Variants in BEGAIN observed in about 807,000 individuals in gnomAD.
The protein encoded by BEGAIN is brain-enriched guanylate kinase-associated protein.
In BEGAIN, 19 loss-of-function variants were observed where a neutral mutation model predicts 35.8. The ratio of observed to expected loss-of-function variants is 0.53; its 90% confidence interval spans 0.37 to 0.78. The LOEUF (loss-of-function observed/expected upper bound fraction) is 0.78, where lower values mean the gene tolerates loss of function less well. Ranked by LOEUF, BEGAIN falls within the 30% of genes least tolerant of loss-of-function variation. BEGAIN has a pLI of 0.00. For missense variants in BEGAIN, 795 were observed against 853.6 expected, an observed-to-expected ratio of 0.93 and a Z score of 0.85; for synonymous variants, 462 against 388.6, an observed-to-expected ratio of 1.19 and a Z score of -2.22.
At chr14:100,540,601 T>G in intron 5 of BEGAIN, 22 bp from the exon 6 acceptor site, 2 of 1,568,340 alleles carry the variant, frequency 1.3e-6, no homozygotes, top group Non-Finnish European at 8.7e-7. Context: ...GAGAAGGCGT[T>G]TGGCGCCATT....
rs188158633 is a variant in BEGAIN, at chr14:100,552,991, G to T, written c.72-6329C>A. 6.2e-4 allele frequency among the ~76,000 whole-genome samples: 95 copies of T among 152,306 alleles called. No individual in the cohort carries two copies. In the East Asian group the frequency reaches 0.015, roughly 25 times the overall value. On this transcript the variant is annotated intron_variant, in intron 2 of 6. Transcript: ENST00000554140. ...TGCCACCTGGGCCCTGTGTGTCTCA[G>T]GATGAGATGACTCCAGGAGGCCTGG...
chr14:100,551,581 AC>A (rs762838206), intron 2 of BEGAIN, among the ~76,000 whole-genome samples: 10 of 152,244 alleles, frequency 6.6e-5, no homozygotes, highest in Non-Finnish European at 1.5e-4. Context: ...ATGTAGTTAT[AC>A]CTGGGTGGTG....
At chr14:100,557,004 C>T (rs959558976) in intron 2 of BEGAIN, among the ~76,000 whole-genome samples, 1 of 152,194 alleles carries the variant, frequency 6.6e-6, no homozygotes, top group Non-Finnish European at 1.5e-5. Flanking sequence ...CTGAAAGCAC[C>T]ACACACGAGT....
At chr14:100,546,833 C>T (rs901592219) in intron 2 of BEGAIN, 171 bp from the exon 3 acceptor site, 9 of 538,598 alleles carry the variant, frequency 1.7e-5, no homozygotes, top group African/African-American at 1.0e-4. Flanking sequence ...CCCAGCCTCC[C>T]GGGCGTCACT....
chr14:100,551,157 G>T (rs1156907741), intron 2 of BEGAIN, among the ~76,000 whole-genome samples: 1 of 152,196 alleles, frequency 6.6e-6, no homozygotes, highest in African/African-American at 2.4e-5. Context: ...CTGCCCCGGG[G>T]CCCCTGCTCC....
intron 2 of BEGAIN, among the ~76,000 whole-genome samples, chr14:100,551,106 T>C (rs2033148250): frequency 6.6e-6 from 1 of 152,194 alleles, no homozygotes; most frequent in Non-Finnish European, 1.5e-5. Flanking sequence ...CTGTAGGCTG[T>C]GGGACCTGGC....
In BEGAIN at chr14:100,544,082, A is replaced by T. The variant is rs114951247; in HGVS notation, c.301-117T>A. On this transcript the variant is annotated intron_variant, in intron 4 of 6. Coordinates refer to ENST00000554140, the MANE Select transcript of BEGAIN (RefSeq NM_001385089.1). Reference sequence around the variant, plus strand: ...TAGCCATGAGTGACAAGACACTTAGAGGGCCAAGGGTGTGGGGTTTATGAG... The same window carrying T: ...TAGCCATGAGTGACAAGACACTTAGTGGGCCAAGGGTGTGGGGTTTATGAG... 4.1e-3 allele frequency: 2,851 copies of T among 694,452 alleles called. 41 individuals carry two copies. The African/African-American group carries it at 0.044, about 11-fold the overall frequency. The allele number at this position is 694,452 out of a possible 1,614,324, so 43.0% of individuals were successfully genotyped here. A position where few individuals can be genotyped will look rare whatever the true frequency, so the allele number is the denominator to read the frequency against.
At chr14:100,566,326 C>A (rs1193323895) in intron 2 of BEGAIN, among the ~76,000 whole-genome samples, 2 of 152,254 alleles carry the variant, frequency 1.3e-5, no homozygotes, top group East Asian at 3.8e-4. Flanking sequence ...GTGCACCCAG[C>A]CGGGCGGGGT....
intron 1 of BEGAIN, among the ~76,000 whole-genome samples, chr14:100,571,356 G>T (rs1178094397): frequency 6.6e-6 from 1 of 152,136 alleles, no homozygotes; most frequent in Admixed American, 6.5e-5. Context: ...GCTCCCAGCT[G>T]CCTCCCTCCC....
rs2034893852 is a variant in BEGAIN, at chr14:100,568,301, C to T, written c.43-362G>A. 2.6e-6 allele frequency: 2 copies of T among 775,102 alleles called. No homozygotes were observed. Among genetic ancestry groups the T allele is most frequent in the South Asian group, 3.3e-5 (2 of 61,408 alleles). 48.0% of individuals were successfully genotyped at this position (775,102 alleles called of 1,614,324 possible). On this transcript the variant is annotated intron_variant, in intron 1 of 6. Coordinates refer to ENST00000554140, the MANE Select transcript of BEGAIN (RefSeq NM_001385089.1). The surrounding 1 kb of genome is among the most constrained non-coding windows in gnomAD (Gnocchi z 7.5). ...GTTAACTCTCCGGCGGCCGCGGCCC[C>T]GCTGCTCCCCCCGCCCCGCCCGTTA...
chr14:100,569,064 C>T (rs2034967472), intron 1 of BEGAIN: 1 of 510,972 alleles, frequency 2.0e-6, no homozygotes, highest in African/African-American at 2.1e-5. Flanking sequence ...GGCCCGGCCC[C>T]GGGGCCTCGG....
At chr14:100,555,188 C>T (rs545429951) in intron 2 of BEGAIN, among the ~76,000 whole-genome samples, 4 of 152,378 alleles carry the variant, frequency 2.6e-5, no homozygotes, top group African/African-American at 2.4e-5. Flanking sequence ...TTCTGCCCCC[C>T]GCCAGGGCCG....
rs1024239613 is a variant in BEGAIN at position 100,573,532 on chromosome 14, G to C, written c.43-5593C>G. On this transcript the variant is annotated intron_variant, in intron 1 of 6. Transcript: ENST00000554140. The surrounding 1 kb of genome is among the most constrained non-coding windows in gnomAD (Gnocchi z 4.2). ...CACCACTGTGTGGAGAGGGGCAAGT[G>C]CAGGACCCCAGGGCATCCAGCCAGG... 1.3e-5 allele frequency among the ~76,000 whole-genome samples: 2 copies of C among 152,188 alleles called. No homozygotes were observed. Among genetic ancestry groups the C allele is most frequent in the African/African-American group, 4.8e-5 (2 of 41,446 alleles).
intron 2 of BEGAIN, among the ~76,000 whole-genome samples, chr14:100,559,194 A>T (rs1204417961): frequency 6.6e-6 from 1 of 151,850 alleles, no homozygotes; most frequent in African/African-American, 2.4e-5. Context: ...AGCCAAGGGG[A>T]GCTGCGCGGT....
intron 2 of BEGAIN, among the ~76,000 whole-genome samples, chr14:100,557,369 C>T (rs11847612): frequency 0.29 from 44,816 of 152,226 alleles, 7,804 homozygotes; most frequent in African/African-American, 0.48. Flanking sequence ...ACCGCCATGG[C>T]GGCGGCTGCC....
Position 100,587,336 on chromosome 14 carries a change from G to C in BEGAIN, c.-46C>G. The C allele has an allele frequency of 6.7e-6, 1 of 148,960 alleles. No individual in the cohort carries two copies. Among genetic ancestry groups the C allele is most frequent in the Non-Finnish European group, 1.5e-5 (1 of 67,536 alleles). The allele number at this position is 148,960 out of a possible 1,614,324, so 9.2% of individuals were successfully genotyped here. On this transcript the variant is annotated 5_prime_UTR_variant, in exon 1 of 7. Coordinates refer to ENST00000554140, the MANE Select transcript of BEGAIN (RefSeq NM_001385089.1). ...GCTCACCGCCGCCGCCGCTACCGCC[G>C]CCCCCTCCCCTCCGAGGCCGAGCGC...
Position 100,567,593 on chromosome 14 carries a change from G to A in BEGAIN, c.71+318C>T, listed in dbSNP as rs566974773. 3.3e-5 allele frequency among the ~76,000 whole-genome samples: 5 copies of A among 151,894 alleles called. No homozygotes were observed. The highest frequency in any genetic ancestry group is 7.4e-5 in the Non-Finnish European group (5 of 67,882). The stretch of plus-strand genomic sequence containing the variant: ...TCCCCGGGGACCAGCGAGAGTCCAG[G>A]GCAGGGAGCCAGAGGGGCGCTGAGG... On this transcript the variant is annotated intron_variant, in intron 2 of 6. Transcript: ENST00000554140. The surrounding 1 kb of genome is among the most constrained non-coding windows in gnomAD (Gnocchi z 5.1).
Position 100,568,426 on chromosome 14 carries a change from T to G in BEGAIN, c.43-487A>C, listed in dbSNP as rs1471203476. 2 of 1,281,902 alleles carry G rather than the reference T, an allele frequency of 1.6e-6. No homozygotes were observed. Among genetic ancestry groups the G allele is most frequent in the East Asian group, 1.1e-4 (2 of 17,594 alleles). 79.4% of individuals were successfully genotyped at this position (1,281,902 alleles called of 1,614,324 possible). Reference sequence around the variant, plus strand: ...TGGGGAATTCGGGGCCGTGCAGGATTGCAGAACCTGACACTCACACAATCC... The same window carrying G: ...TGGGGAATTCGGGGCCGTGCAGGATGGCAGAACCTGACACTCACACAATCC... On this transcript the variant is annotated intron_variant, in intron 1 of 6. Transcript: ENST00000554140. This position sits in a 1 kb window ranked among gnomAD's most constrained non-coding sequence, Gnocchi z 7.5.
At chr14:100,540,230 C>T in intron 6 of BEGAIN, 1 of 528,328 alleles carries the variant, frequency 1.9e-6, no homozygotes, top group Non-Finnish European at 3.4e-6. Context: ...TGGAGCAGCC[C>T]CCCAAAGGAA....
Sources: gnomAD v4.1 joint callset for allele counts (sites outside exome capture counted in the v4.1 genomes callset) on GRCh38, gnomAD v4.1.1 for gene constraint, Gnocchi (gnomAD v3.1) non-coding constraint, MANE v1.5 for transcripts, NCBI Gene and HGNC (gene_info 2026-07-23, HGNC 2026-07-21) for gene names.